Variants in ADGRL2 observed in about 807,000 individuals in gnomAD.
ADGRL2 encodes adhesion G protein-coupled receptor L2, also known as calcium-independent alpha-latrotoxin receptor 2.
ADGRL2 carries 44 observed loss-of-function variants against 157.4 expected under a neutral mutation model. That is an observed-to-expected ratio of 0.28 (90% CI 0.22 to 0.36). The LOEUF is 0.36. Among genes scored for constraint, ADGRL2 ranks in the 10% least tolerant of loss-of-function variants. The pLI, the probability that ADGRL2 is intolerant of heterozygous loss-of-function variation, is 1.00. For synonymous variants in ADGRL2, 585 were observed against 624.7 expected (o/e 0.94, Z 0.95); for missense variants, 1,510 against 1,768.9 (o/e 0.85, Z 2.63).
At chr1:81,876,346 T>G (rs1365184902) in intron 2 of ADGRL2, among the ~76,000 whole-genome samples, 1 of 152,174 alleles carries the variant, frequency 6.6e-6, no homozygotes, top group Non-Finnish European at 1.5e-5. Context: ...GGGAATAATA[T>G]TTAAGAATCC....
intron 1 of ADGRL2, among the ~76,000 whole-genome samples, chr1:81,707,254 C>A (rs374146078): frequency 6.6e-5 from 10 of 152,176 alleles, no homozygotes; most frequent in East Asian, 5.8e-4. Context: ...ATGACTAAGG[C>A]CATAAATCAC....
At chr1:81,606,352 C>T (rs1213181446) in intron 3 of ADGRL2, among the ~76,000 whole-genome samples, 1 of 152,178 alleles carries the variant, frequency 6.6e-6, no homozygotes, top group Non-Finnish European at 1.5e-5. Flanking sequence ...AAATTTTGGT[C>T]ATTAGCAAAT....
rs191437775 is a variant in ADGRL2, at chr1:81,823,503, A to G, written c.-100-13382A>G. 1.8e-4 allele frequency among the ~76,000 whole-genome samples: 28 copies of G among 151,612 alleles called. 1 individual carries two copies. The highest frequency in any genetic ancestry group is 3.4e-3 in the Middle Eastern group (1 of 294). ...GCTAGCTCTTTGTCAGGCACTATGC[A>G]TGGGTTATACTCACTGGTAAGGTAG... On this transcript the variant is annotated intron_variant, in intron 1 of 23. Transcript: ENST00000686636.
At chr1:81,506,731 A>G (rs2078982830) in intron 2 of ADGRL2, among the ~76,000 whole-genome samples, 1 of 150,260 alleles carries the variant, frequency 6.7e-6, no homozygotes. Flanking sequence ...ACAAAACAAA[A>G]CAAAACAAAA....
intron 2 of ADGRL2, among the ~76,000 whole-genome samples, chr1:81,540,527 G>C (rs1337940542): frequency 6.6e-6 from 1 of 152,194 alleles, no homozygotes; most frequent in Non-Finnish European, 1.5e-5. Flanking sequence ...TAACAGAAGT[G>C]ACCAGCTTTA....
At chr1:81,946,082 C>A (rs960494326) in intron 6 of ADGRL2, among the ~76,000 whole-genome samples, 1 of 152,082 alleles carries the variant, frequency 6.6e-6, no homozygotes, top group Non-Finnish European at 1.5e-5. Context: ...GAAATGAGGT[C>A]TTTTGCCTGT....
chr1:81,708,527 C>A (rs1004586154), intron 1 of ADGRL2, among the ~76,000 whole-genome samples: 3 of 152,084 alleles, frequency 2.0e-5, no homozygotes, highest in Non-Finnish European at 4.4e-5. Context: ...TTAGCCAATG[C>A]ACATATAATG....
chr1:81,543,550 T>A (rs1263697973), intron 2 of ADGRL2, among the ~76,000 whole-genome samples: 1 of 152,220 alleles, frequency 6.6e-6, no homozygotes, highest in Non-Finnish European at 1.5e-5. Context: ...TTAAAATACA[T>A]ATTTATTTCT....
At chr1:81,976,077 A>G (rs528769855) in intron 17 of ADGRL2, among the ~76,000 whole-genome samples, 14 of 152,140 alleles carry the variant, frequency 9.2e-5, no homozygotes, top group African/African-American at 2.6e-4. Context: ...TATATGTTCT[A>G]TTTAATTCCA....
chr1:81,494,148 G>A lies in ADGRL2; in HGVS notation c.-248+49059G>A, dbSNP rs912547631. Among the ~76,000 whole-genome samples, 10 of 152,170 alleles carry A rather than the reference G, an allele frequency of 6.6e-5. No homozygotes were observed. In the East Asian group the frequency reaches 1.4e-3, roughly 21 times the overall value. On this transcript the variant is annotated intron_variant, in intron 2 of 24. Coordinates refer to the ADGRL2 transcript ENST00000370721. Reference sequence around the variant, plus strand: ...ACTCTCTTGCCTAAATGCCAATTCTGCATATTAAGTTAGCTCTGTCTCAGT... The same window carrying A: ...ACTCTCTTGCCTAAATGCCAATTCTACATATTAAGTTAGCTCTGTCTCAGT...
intron 1 of ADGRL2, among the ~76,000 whole-genome samples, chr1:81,315,500 T>C (rs1439788276): frequency 6.6e-6 from 1 of 152,170 alleles, no homozygotes; most frequent in Admixed American, 6.5e-5. Context: ...AATAAAATAG[T>C]AAATTATAAT....
intron 2 of ADGRL2, among the ~76,000 whole-genome samples, chr1:81,489,162 GGGAGGT>G (rs1260534800): frequency 2.6e-5 from 4 of 151,996 alleles, no homozygotes; most frequent in African/African-American, 9.7e-5. Context: ...ACTTGAACCT[GGGAGGT>G]GGAGGTTGCA....
At chr1:81,421,236 T>C (rs575662211) in intron 1 of ADGRL2, among the ~76,000 whole-genome samples, 1 of 152,346 alleles carries the variant, frequency 6.6e-6, no homozygotes, top group African/African-American at 2.4e-5. Flanking sequence ...ATACCTTAGG[T>C]TTATTGCAAA....
At chr1:81,989,029 T>C (rs1432122489) in intron 23 of ADGRL2, among the ~76,000 whole-genome samples, 1 of 152,088 alleles carries the variant, frequency 6.6e-6, no homozygotes, top group Non-Finnish European at 1.5e-5. Flanking sequence ...AACCTAACTT[T>C]CCATGGTGCA....
At chr1:81,746,955 T>C (rs968768483) in intron 1 of ADGRL2, among the ~76,000 whole-genome samples, 22 of 147,372 alleles carry the variant, frequency 1.5e-4, no homozygotes, top group Non-Finnish European at 3.3e-4. Context: ...TGTATGTATA[T>C]ACGTATATAC....
rs74093533 is a variant in ADGRL2, at chr1:81,388,481, G to A, written c.-301-56555G>A. 1.4e-3 allele frequency among the ~76,000 whole-genome samples: 208 copies of A among 152,212 alleles called. 1 individual carries two copies. The highest frequency in any genetic ancestry group is 4.7e-3 in the African/African-American group (194 of 41,516). Reference sequence around the variant, plus strand: ...TTCTCTCTTGCTCTTCAATGTGCCAGATTACTATGGTCTGAATGTTTTATC... The same window carrying A: ...TTCTCTCTTGCTCTTCAATGTGCCAAATTACTATGGTCTGAATGTTTTATC... On this transcript the variant is annotated intron_variant, in intron 1 of 24. Transcript: ENST00000370721.
At chr1:81,448,291 A>G (rs1361237703) in intron 2 of ADGRL2, among the ~76,000 whole-genome samples, 2 of 151,198 alleles carry the variant, frequency 1.3e-5, no homozygotes, top group African/African-American at 2.4e-5. Context: ...GATTACAGGT[A>G]TACGCCACCA....
intron 2 of ADGRL2, among the ~76,000 whole-genome samples, chr1:81,775,796 A>C (rs900499205): frequency 6.6e-6 from 1 of 152,184 alleles, no homozygotes; most frequent in Admixed American, 6.6e-5. Flanking sequence ...ATACCTTGTA[A>C]AAAGGTTGGT....
chr1:81,701,229 G>A (rs933472227), intron 1 of ADGRL2, among the ~76,000 whole-genome samples: 1 of 152,160 alleles, frequency 6.6e-6, no homozygotes, highest in Non-Finnish European at 1.5e-5. Flanking sequence ...CTGAAAAAGT[G>A]TTGAGGGTAC....
Sources: allele counts gnomAD v4.1 joint callset (sites outside exome capture counted in the v4.1 genomes callset), GRCh38; gene constraint gnomAD v4.1.1; transcripts MANE v1.5; gene names NCBI Gene and HGNC (gene_info 2026-07-23, HGNC 2026-07-21).